Variants in MTFR1 observed in about 807,000 individuals in gnomAD.
The protein encoded by MTFR1 is chondrocyte protein with a poly-proline region.
In MTFR1, 28 loss-of-function variants were observed where a neutral mutation model predicts 38.8. The observed-to-expected ratio is 0.72, with a 90% CI of 0.53 to 0.99. MTFR1 has a LOEUF of 0.99. MTFR1 is among the 50% of genes least tolerant of loss of function. The probability of loss-of-function intolerance (pLI) is 0.00; values close to 1 mark genes in which losing one functional copy is unlikely to be tolerated. For missense variants in MTFR1, 358 were observed against 395.5 expected, an observed-to-expected ratio of 0.91 and a Z score of 0.81; for synonymous variants, 145 against 137.0, an observed-to-expected ratio of 1.06 and a Z score of -0.41.
chr8:65,778,203 G>A, the MTFR1 span, among the ~76,000 whole-genome samples: 1 of 152,106 alleles, frequency 6.6e-6, no homozygotes, highest in East Asian at 1.9e-4. Flanking sequence ...GTTATGCCAG[G>A]GTCTGGGCCC....
chr8:65,724,100 T>C (rs1405771001), intron 3 of MTFR1, among the ~76,000 whole-genome samples: 2 of 152,348 alleles, frequency 1.3e-5, no homozygotes, highest in Admixed American at 1.3e-4. Context: ...AGATGCTCAA[T>C]TTGTATTGAT....
intron 2 of MTFR1, chr8:65,718,129 G>A (rs1198708374): frequency 6.6e-6 from 1 of 152,182 alleles, no homozygotes; most frequent in Admixed American, 6.5e-5. Context: ...TAAGGCAACT[G>A]GAGCAATCTG....
chr8:65,707,064 C>G lies in MTFR1; in HGVS notation c.572C>G (p.Pro191Arg), dbSNP rs772843962. ...ATACCACCACACCCTCCACCTCCCC[C>G]ACCGCCCCTGCCTCCCCCTGCACTG... ...GTIPPHPPPP[P>R]PPLPPPALGL... The change falls in exon 6 of 8, where the codon CCA becomes CGA. Residue 191 changes from proline to arginine, a missense_variant. By Grantham distance (103) the Pro-to-Arg change is moderately radical. Coordinates refer to ENST00000262146, the MANE Select transcript of MTFR1 (RefSeq NM_014637.4). The G allele has an allele frequency of 6.2e-7, 1 of 1,611,010 alleles. No homozygotes were observed. The highest frequency in any genetic ancestry group is 8.5e-7 in the Non-Finnish European group (1 of 1,177,936).
At chr8:65,762,436 C>G (rs1808545185) in intron 3 of MTFR1, among the ~76,000 whole-genome samples, 1 of 152,166 alleles carries the variant, frequency 6.6e-6, no homozygotes, top group Non-Finnish European at 1.5e-5. Context: ...AGAGGCAGAG[C>G]AGCAAAGTAC....
At chr8:65,749,271 A>G (rs1481549124) in intron 3 of MTFR1, among the ~76,000 whole-genome samples, 1 of 152,260 alleles carries the variant, frequency 6.6e-6, no homozygotes, top group African/African-American at 2.4e-5. Flanking sequence ...TAGTAATGCA[A>G]AGCATATAGT....
intron 3 of MTFR1, among the ~76,000 whole-genome samples, chr8:65,755,616 G>A (rs543609561): frequency 6.6e-6 from 1 of 152,192 alleles, no homozygotes; most frequent in Admixed American, 6.5e-5. Flanking sequence ...ATTGTTACAT[G>A]CATTTGCCTT....
chr8:65,716,119 C>G (rs1203030956), intron 2 of MTFR1, among the ~76,000 whole-genome samples: 3 of 148,076 alleles, frequency 2.0e-5, no homozygotes, highest in Non-Finnish European at 4.5e-5. Flanking sequence ...CCACTGCACT[C>G]CAGCCTAGTT....
intron 3 of MTFR1, among the ~76,000 whole-genome samples, chr8:65,769,896 CA>C (rs1033632958): frequency 6.6e-6 from 1 of 151,548 alleles, no homozygotes; most frequent in African/African-American, 2.4e-5. Context: ...AACTCTGTCT[CA>C]AAAAAACAAA....
At chr8:65,739,580 A>G in intron 3 of MTFR1, 1 of 1,546,296 alleles carries the variant, frequency 6.5e-7, no homozygotes, top group Non-Finnish European at 8.7e-7. Flanking sequence ...TGAAAGGTTA[A>G]GCTTACTAGA....
At chr8:65,718,540 T>C (rs1806237575) in intron 2 of MTFR1, 2 of 152,472 alleles carry the variant, frequency 1.3e-5, no homozygotes, top group African/African-American at 2.4e-5. Context: ...ATTGGTGTTC[T>C]TCCCCTCCCA....
downstream of MTFR1, among the ~76,000 whole-genome samples, chr8:65,774,077 G>A (rs1809188054): frequency 1.3e-5 from 2 of 152,014 alleles, no homozygotes; most frequent in Non-Finnish European, 2.9e-5. Flanking sequence ...AATTCAAAAG[G>A]TCTACAACTA....
At chr8:65,658,547 A>T (rs993239999) in intron 1 of MTFR1, among the ~76,000 whole-genome samples, 1 of 152,206 alleles carries the variant, frequency 6.6e-6, no homozygotes, top group Non-Finnish European at 1.5e-5. Flanking sequence ...TAGAGTAGAT[A>T]GTCTAGAATA....
chr8:65,646,867 A>G (rs1267518114), intron 1 of MTFR1, among the ~76,000 whole-genome samples: 2 of 152,188 alleles, frequency 1.3e-5, no homozygotes, highest in East Asian at 1.9e-4. Flanking sequence ...TACTAAGACA[A>G]CATCTTCATC....
At chr8:65,733,858 T>C (rs1374723155) in intron 3 of MTFR1, among the ~76,000 whole-genome samples, 1 of 152,194 alleles carries the variant, frequency 6.6e-6, no homozygotes, top group African/African-American at 2.4e-5. Flanking sequence ...TTGGTCATCC[T>C]GTTTCCCGCC....
chr8:65,682,493 C>A (rs1804929665), intron 3 of MTFR1, 42 bp downstream of exon 3: 6 of 1,040,012 alleles, frequency 5.8e-6, no homozygotes, highest in South Asian at 2.8e-5. Context: ...TTAATATGTA[C>A]ATTAGAAATA....
chr8:65,733,297 G>T (rs1398784021), intron 3 of MTFR1, among the ~76,000 whole-genome samples: 1 of 152,286 alleles, frequency 6.6e-6, no homozygotes, highest in Non-Finnish European at 1.5e-5. Flanking sequence ...GAGGGAGATG[G>T]GAGTGCAGAA....
intron 4 of MTFR1, among the ~76,000 whole-genome samples, chr8:65,703,346 G>C (rs1480935529): frequency 1.4e-5 from 2 of 146,764 alleles, no homozygotes; most frequent in African/African-American, 2.5e-5. Context: ...GCGAGATCCT[G>C]TCTCAAAAAG....
Position 65,682,434 on chromosome 8 carries a change from C to T in MTFR1, c.148C>T (p.Pro50Ser). Residue 50 changes from proline to serine, a missense_variant, in exon 3 of 8, where the codon CCA becomes TCA. Physicochemically the swap from Pro to Ser is moderately conservative, Grantham distance 74. Transcript: ENST00000262146. ...IGTNLSLIQC[P>S]RVQFQINSHA... ...TACTAATTTGTCTCTGATTCAGTGT[C>T]CAAGAGTTCAGTTTCAGGTATTATA... 2 of 1,535,308 alleles carry T rather than the reference C, an allele frequency of 1.3e-6. No individual in the cohort carries two copies. Among genetic ancestry groups the T allele is most frequent in the Admixed American group, 1.9e-5 (1 of 53,866 alleles).
chr8:65,745,885 TACTC>T (rs1379103783), intron 3 of MTFR1, among the ~76,000 whole-genome samples: 2 of 152,194 alleles, frequency 1.3e-5, no homozygotes, highest in Non-Finnish European at 2.9e-5. Flanking sequence ...TGTTATAAGT[TACTC>T]ACTCTTTTAT....
Sources: gnomAD v4.1 joint callset for allele counts (sites outside exome capture counted in the v4.1 genomes callset) on GRCh38, gnomAD v4.1.1 for gene constraint, MANE v1.5 for transcripts, NCBI Gene and HGNC (gene_info 2026-07-23, HGNC 2026-07-21) for gene names.